The following BTBD9 variants were observed in gnomAD, a reference collection of about 807,000 sequenced individuals.
BTBD9 encodes BTB/POZ domain-containing protein 9.
A neutral mutation model predicts 64.3 loss-of-function variants in BTBD9; 49 were observed. The observed-to-expected ratio is 0.76, with a 90% CI of 0.61 to 0.97. The LOEUF is 0.97. Ranked by LOEUF, BTBD9 falls within the 50% of genes least tolerant of loss-of-function variation. The pLI is 0.00. For missense variants in BTBD9, 598 were observed against 762.1 expected, an observed-to-expected ratio of 0.78 and a Z score of 2.53; for synonymous variants, 260 against 274.7, an observed-to-expected ratio of 0.95 and a Z score of 0.53.
At chr6:38,520,979 T>C (rs1232464844) in intron 6 of BTBD9, among the ~76,000 whole-genome samples, 2 of 151,850 alleles carry the variant, frequency 1.3e-5, no homozygotes, top group Non-Finnish European at 2.9e-5. Flanking sequence ...AAGATATGGG[T>C]TGCTTCCTAG....
At chr6:38,394,697 C>T (rs1288497516) in intron 6 of BTBD9, among the ~76,000 whole-genome samples, 4 of 151,720 alleles carry the variant, frequency 2.6e-5, no homozygotes, top group African/African-American at 9.7e-5. Context: ...TGCTGCTTTG[C>T]TTTCTCTTAG....
chr6:38,428,278 C>G (rs1768271027), intron 6 of BTBD9, among the ~76,000 whole-genome samples: 1 of 151,882 alleles, frequency 6.6e-6, no homozygotes, highest in Non-Finnish European at 1.5e-5. Flanking sequence ...AAAGGAAAAG[C>G]AGCATTGCAA....
At chr6:38,599,297 T>TA (rs895138411) in intron 1 of BTBD9, among the ~76,000 whole-genome samples, 9 of 149,676 alleles carry the variant, frequency 6.0e-5, no homozygotes, top group Admixed American at 1.3e-4. Flanking sequence ...TGCAGGTACT[T>TA]AAAAAAAAAA....
chr6:38,200,320 A>C (rs1325331748), intron 9 of BTBD9, among the ~76,000 whole-genome samples: 2 of 152,246 alleles, frequency 1.3e-5, no homozygotes, highest in African/African-American at 2.4e-5. Context: ...AAAAGTAGAA[A>C]GGTTTCAAAT....
At chr6:38,485,343 C>T (rs1183588242) in intron 6 of BTBD9, among the ~76,000 whole-genome samples, 1 of 152,188 alleles carries the variant, frequency 6.6e-6, no homozygotes, top group Non-Finnish European at 1.5e-5. Context: ...TTTCAATTTG[C>T]TTTGCCCAGA....
Position 38,424,144 on chromosome 6 carries a change from C to T in BTBD9, c.1155-79051G>A, listed in dbSNP as rs114950193. Among the ~76,000 whole-genome samples the T allele has an allele frequency of 7.1e-3, 1,073 of 152,070 alleles. 34 individuals carry two copies. Among genetic ancestry groups the T allele is most frequent in the African/African-American group, 0.024 (1,008 of 41,334 alleles). The stretch of plus-strand genomic sequence containing the variant: ...TTGACTAATGAAAACTTGTGAATGA[C>T]TGAATGAGTTTCAAGTGGATTATAT... On this transcript the variant is annotated intron_variant, in intron 6 of 10. Coordinates refer to ENST00000481247, the MANE Select transcript of BTBD9 (RefSeq NM_001099272.2).
At chr6:38,175,619 G>A (rs12196956) in intron 10 of BTBD9, among the ~76,000 whole-genome samples, 13,296 of 152,194 alleles carry the variant, frequency 0.087, 786 homozygotes, top group Non-Finnish European at 0.12. Context: ...CACAGATAAC[G>A]TCCACCATCT....
intron 6 of BTBD9, among the ~76,000 whole-genome samples, chr6:38,432,958 T>A (rs1430255934): frequency 6.6e-6 from 1 of 152,020 alleles, no homozygotes; most frequent in African/African-American, 2.4e-5. Flanking sequence ...GTGCAGCAGG[T>A]AGGAACAACC....
At chr6:38,211,286 G>A (rs991863789) in intron 9 of BTBD9, among the ~76,000 whole-genome samples, 2 of 152,044 alleles carry the variant, frequency 1.3e-5, no homozygotes, top group African/African-American at 4.8e-5. Context: ...AAAATTAGCC[G>A]GGCATGGTGG....
intron 4 of BTBD9, chr6:38,588,105 G>A (rs1276604648): frequency 1.4e-6 from 1 of 736,674 alleles, no homozygotes; most frequent in East Asian, 2.4e-5. Context: ...GGTGCACCGT[G>A]TCTGCGGGCT....
At chr6:38,228,700 C>T (rs553230358) in intron 9 of BTBD9, among the ~76,000 whole-genome samples, 1 of 150,676 alleles carries the variant, frequency 6.6e-6, no homozygotes, top group Non-Finnish European at 1.5e-5. Context: ...ATGGTGAAAC[C>T]CCGTCTCTAC....
At chr6:38,562,644 AAAG>A (rs1206211935) in intron 6 of BTBD9, among the ~76,000 whole-genome samples, 1 of 152,186 alleles carries the variant, frequency 6.6e-6, no homozygotes, top group Non-Finnish European at 1.5e-5. Flanking sequence ...TTTATTGACA[AAAG>A]AAGTATCTCT....
At chr6:38,239,161 G>C (rs183802607) in intron 9 of BTBD9, among the ~76,000 whole-genome samples, 1 of 152,072 alleles carries the variant, frequency 6.6e-6, no homozygotes, top group Non-Finnish European at 1.5e-5. Context: ...GGCCAGGAGC[G>C]GTGGCTCATG....
At chr6:38,423,276 A>G (rs1478179506) in intron 6 of BTBD9, among the ~76,000 whole-genome samples, 8 of 152,044 alleles carry the variant, frequency 5.3e-5, no homozygotes, top group Non-Finnish European at 8.8e-5. Flanking sequence ...CCCAAAAAAT[A>G]CATAAAATTA....
At chr6:38,307,730 A>G (rs1296161612) in intron 7 of BTBD9, among the ~76,000 whole-genome samples, 1 of 152,220 alleles carries the variant, frequency 6.6e-6, no homozygotes, top group African/African-American at 2.4e-5. Flanking sequence ...TCTTATCTTA[A>G]GATTATAAGG....
At chr6:38,619,652 C>A (rs1320564088) in intron 1 of BTBD9, among the ~76,000 whole-genome samples, 1 of 152,128 alleles carries the variant, frequency 6.6e-6, no homozygotes, top group Admixed American at 6.5e-5. Context: ...ACTTACTGAG[C>A]CCTGGGTAAG....
chr6:38,313,721 A>C (rs1762929640), intron 7 of BTBD9, among the ~76,000 whole-genome samples: 1 of 151,612 alleles, frequency 6.6e-6, no homozygotes, highest in African/African-American at 2.4e-5. Flanking sequence ...CCTTGGGATA[A>C]ATTCCACTTG....
intron 10 of BTBD9, 34 bp from the exon 11 acceptor site, chr6:38,175,216 A>C (rs1392533256): frequency 6.2e-7 from 1 of 1,611,828 alleles, no homozygotes; most frequent in East Asian, 2.2e-5. Flanking sequence ...CCATGAGTGA[A>C]GGGTCAGCAT....
chr6:38,340,537 A>G (rs747001983), intron 7 of BTBD9, among the ~76,000 whole-genome samples: 2 of 152,218 alleles, frequency 1.3e-5, no homozygotes, highest in Non-Finnish European at 2.9e-5. Context: ...CACAAACTCA[A>G]AATGTATGTA....
Sources: gnomAD v4.1 joint callset for allele counts (sites outside exome capture counted in the v4.1 genomes callset) on GRCh38, gnomAD v4.1.1 for gene constraint, MANE v1.5 for transcripts, NCBI Gene and HGNC (gene_info 2026-07-23, HGNC 2026-07-21) for gene names.